The following METTL3 variants were observed in gnomAD, a reference collection of about 807,000 sequenced individuals.
METTL3 encodes the protein N(6)-adenosine-methyltransferase catalytic subunit METTL3.
METTL3 carries 42 observed loss-of-function variants against 64.3 expected under a neutral mutation model. That is an observed-to-expected ratio of 0.65 (90% CI 0.51 to 0.84). The LOEUF is 0.84. Ranked by LOEUF, METTL3 falls within the 40% of genes least tolerant of loss-of-function variation. METTL3 has a pLI of 0.00. For synonymous variants in METTL3, 256 were observed against 263.6 expected, an observed-to-expected ratio of 0.97 and a Z score of 0.28; for missense variants, 435 against 722.3, an observed-to-expected ratio of 0.60 and a Z score of 4.56.
Position 21,503,188 on chromosome 14 carries a change from T to C in METTL3, c.708A>G (p.Glu236=), listed in dbSNP as rs757857524. 3.1e-6 allele frequency: 5 copies of C among 1,611,784 alleles called. No individual in the cohort carries two copies. The highest frequency in any genetic ancestry group is 4.5e-5 in the East Asian group (2 of 44,852). Residue 236 remains glutamate, a synonymous_variant, in exon 3 of 11, where the codon GAA becomes GAG. Coordinates refer to ENST00000298717, the MANE Select transcript of METTL3 (RefSeq NM_019852.5). The part of the protein sequence containing the change: ...ESLLNQQSTK[E]QQSKKVSQEI... ...TGACCCCTACCTTCTTGCTCTGTTGTTCCTTAGTGGACTGTTGGTTCAGAA... is the reference window on the plus strand; with the variant it reads ...TGACCCCTACCTTCTTGCTCTGTTGCTCCTTAGTGGACTGTTGGTTCAGAA...
chr14:21,498,734 A>T, intron 10 of METTL3: 1 of 463,744 alleles, frequency 2.2e-6, no homozygotes, highest in South Asian at 2.9e-5. Context: ...ATAACTTCGT[A>T]ACCACCAGGG....
At chr14:21,503,624 T>G (rs753515263) in intron 2 of METTL3, 40 bp downstream of exon 2, 1 of 1,613,520 alleles carries the variant, frequency 6.2e-7, no homozygotes, top group South Asian at 1.1e-5. Flanking sequence ...GACCGTGAAC[T>G]GAAAATAAGT....
Position 21,501,677 on chromosome 14 carries a change from G to A in METTL3, c.899+51C>T. ...ATGACTGGAAGGAATATGCTGAAAA[G>A]GAATGGCTGCTTCTGACAAACCCAT... On this transcript the variant is annotated intron_variant, in intron 4 of 10. Transcript: ENST00000298717. 1.9e-6 allele frequency: 3 copies of A among 1,611,638 alleles called. No homozygotes were observed. The South Asian group carries it at 3.3e-5, about 18-fold the overall frequency.
rs760286518 is a variant in METTL3 at position 21,499,815 on chromosome 14, G to C, written c.1305-13C>G. The C allele has an allele frequency of 4.1e-5, 66 of 1,612,142 alleles. No homozygotes were observed. Among genetic ancestry groups the C allele is most frequent in the Non-Finnish European group, 5.5e-5 (65 of 1,178,536 alleles). ...CAACTCCATGGCCCTAGAAAGAAAT[G>C]AGTTAAACAACTATTTGTATGCCCA... On this transcript the variant is annotated splice_polypyrimidine_tract_variant and intron_variant, in intron 6 of 10. Transcript: ENST00000298717.
rs146162271 is a variant in METTL3, at chr14:21,503,665, G to A, written c.317C>T (p.Thr106Met). The change falls in exon 2 of 11, where the codon ACG becomes ATG. Residue 106 changes from threonine to methionine, a missense_variant and splice_region_variant. This residue lies in a region of METTL3 where 228 missense variants were observed against 279.6 expected (regional missense o/e 0.82). Coordinates refer to ENST00000298717, the MANE Select transcript of METTL3 (RefSeq NM_019852.5). ...ATCCTAACTCTGTCAGGTCATTACC[G>A]TGGAGATGGCAAGACAGATGGACAC... ...DAVSICLAIS[T>M]PDAPATQDGV... The A allele has an allele frequency of 6.2e-6, 10 of 1,614,170 alleles. No homozygotes were observed. The highest frequency in any genetic ancestry group is 1.6e-4 in the Middle Eastern group (1 of 6,062).
At chr14:21,498,652 G>A (rs540799432) in intron 10 of METTL3, 5 of 501,612 alleles carry the variant, frequency 1.0e-5, no homozygotes, top group African/African-American at 1.9e-5. Context: ...CTTTGGATAA[G>A]CAAAATGCTA....
intron 6 of METTL3, 130 bp downstream of exon 6, chr14:21,500,361 CAAAA>C: frequency 2.3e-6 from 2 of 872,504 alleles, no homozygotes; most frequent in Non-Finnish European, 1.7e-6. Flanking sequence ...GAGACTCTCT[CAAAA>C]AAAAAGAAAA....
chr14:21,498,980 AAAT>A (rs878894379), intron 10 of METTL3, 42 bp downstream of exon 10: 1 of 1,343,466 alleles, frequency 7.4e-7, no homozygotes, highest in Non-Finnish European at 1.1e-6. Flanking sequence ...CCTTAATCAT[AAAT>A]AATAGCCCCT....
Position 21,499,757 on chromosome 14 carries a change from T to C in METTL3, c.1343+7A>G, listed in dbSNP as rs1385967803. ...CCTCAAAAGAAAGCAACACAACCAC[T>C]ACTTACCCCCAGAGGTTTAGACATT... On this transcript the variant is annotated splice_region_variant and intron_variant, in intron 7 of 10. Transcript: ENST00000298717. The C allele has an allele frequency of 6.2e-7, 1 of 1,612,512 alleles. No homozygotes were observed. Among genetic ancestry groups the C allele is most frequent in the Admixed American group, 1.7e-5 (1 of 60,004 alleles).
At chr14:21,500,457 C>T in intron 6 of METTL3, 38 bp downstream of exon 6, 2 of 1,597,080 alleles carry the variant, frequency 1.3e-6, no homozygotes, top group East Asian at 2.2e-5. Context: ...CACTCTTGTA[C>T]TGTATCTGTC....
Position 21,499,928 on chromosome 14 carries a change from C to T in METTL3, c.1305-126G>A, listed in dbSNP as rs182673325. 9.9e-6 allele frequency: 8 copies of T among 812,044 alleles called. No homozygotes were observed. In the Admixed American group the frequency reaches 1.8e-4, roughly 18 times the overall value. 50.3% of individuals were successfully genotyped at this position (812,044 alleles called of 1,614,324 possible). On this transcript the variant is annotated intron_variant, in intron 6 of 10. Transcript: ENST00000298717. ...CGCTCAGTGAACATTTACATGCACA[C>T]CACCAAAAGCATGGTGGATCTAAGA...
rs540012223 is a variant in METTL3 at position 21,511,311 on chromosome 14, C to A, written c.-88G>T. ...CGCTCCAGGATATAGCCAATTCTCA[C>A]GCGGACACCCCGAAGGCTAACCGGA... On this transcript the variant is annotated 5_prime_UTR_variant, in exon 1 of 11. Transcript: ENST00000298717. The A allele has an allele frequency of 5.0e-5, 75 of 1,504,846 alleles. 1 individual carries two copies. The South Asian group carries it at 9.4e-4, about 19-fold the overall frequency. The allele number at this position is 1,504,846 out of a possible 1,614,324, so 93.2% of individuals were successfully genotyped here.
chr14:21,499,268 A>T (rs1246923285), intron 9 of METTL3, 38 bp downstream of exon 9: 1 of 1,613,146 alleles, frequency 6.2e-7, no homozygotes, highest in South Asian at 1.1e-5. Flanking sequence ...TGATACCAAC[A>T]AAAATGTGGA....
chr14:21,503,841 A>G lies in METTL3; in HGVS notation c.141T>C (p.Arg47=). ...NPEAALSPTF[R]SDSPVPTAPT... is the part of the protein sequence containing the mutation. ...GTGCAGTAGGCACTGGGCTGTCACT[A>G]CGGAAGGTTGGAGACAATGCTGCCT... Residue 47 remains arginine (R), a synonymous_variant, in exon 2 of 11, where the codon CGT becomes CGC. Coordinates refer to ENST00000298717, the MANE Select transcript of METTL3 (RefSeq NM_019852.5). 6.2e-7 allele frequency: 1 copy of G among 1,614,226 alleles called. No homozygotes were observed.
At chr14:21,502,050 C>CTGTCACCCAGGCCAGAGTGTAGT in intron 3 of METTL3, 147 bp from the exon 4 acceptor site, 3 of 654,452 alleles carry the variant, frequency 4.6e-6, no homozygotes, top group Middle Eastern at 4.0e-4. Context: ...TGGGATCTTG[C>CTGTCACCCAGGCCAGAGTGTAGT]TGTCACCCAG....
chr14:21,502,850 CTAAA>C (rs1891603460), intron 3 of METTL3: 1 of 240,896 alleles, frequency 4.2e-6, no homozygotes, highest in East Asian at 8.3e-5. Flanking sequence ...GACAGATTAT[CTAAA>C]TAAGAATTTG....
intron 1 of METTL3, 73 bp from the exon 2 acceptor site, chr14:21,503,954 C>A: frequency 7.3e-7 from 1 of 1,376,504 alleles, no homozygotes. Context: ...AAGTCAAATT[C>A]TCTAGCATTC....
At chr14:21,508,486 T>C (rs1891752403) in intron 1 of METTL3, among the ~76,000 whole-genome samples, 1 of 152,174 alleles carries the variant, frequency 6.6e-6, no homozygotes, top group South Asian at 2.1e-4. Flanking sequence ...AGCAGAAAGT[T>C]TGGTTAATAC....
chr14:21,501,706 A>G lies in METTL3; in HGVS notation c.899+22T>C, dbSNP rs111891755. On this transcript the variant is annotated intron_variant, in intron 4 of 10. Coordinates refer to ENST00000298717, the MANE Select transcript of METTL3 (RefSeq NM_019852.5). ...TGGCTGCTTCTGACAAACCCATCCCACCTCATTCCCTTCCAAGAGACCTGA... is the reference window on the plus strand; with the variant it reads ...TGGCTGCTTCTGACAAACCCATCCCGCCTCATTCCCTTCCAAGAGACCTGA... The G allele has an allele frequency of 3.1e-3, 5,018 of 1,614,102 alleles. 121 individuals are homozygous for G. In the African/African-American group the frequency reaches 0.059, roughly 19 times the overall value.
Sources: allele counts gnomAD v4.1 joint callset (sites outside exome capture counted in the v4.1 genomes callset), GRCh38; gene constraint gnomAD v4.1.1; regional missense constraint gnomAD v4.1.1; transcripts MANE v1.5; gene names NCBI Gene and HGNC (gene_info 2026-07-23, HGNC 2026-07-21).